GLI2: variants seen among roughly 807,000 people sequenced by gnomAD.
GLI2 encodes transcription activator GLI2.
In GLI2, 22 loss-of-function variants were observed where a neutral mutation model predicts 78.9. The ratio of observed to expected loss-of-function variants is 0.28; its 90% CI spans 0.20 to 0.40. The LOEUF is 0.40. Among genes scored for constraint, GLI2 ranks in the 10% least tolerant of loss-of-function variants. GLI2 has a pLI of 1.00. For missense variants in GLI2, 2,097 were observed against 2,213.2 expected (o/e 0.95, Z 1.05); for synonymous variants, 974 against 963.7 (o/e 1.01, Z -0.20).
At chr2:120,950,650 T>C (rs1680935101) in intron 3 of GLI2, among the ~76,000 whole-genome samples, 1 of 152,150 alleles carries the variant, frequency 6.6e-6, no homozygotes. Context: ...TATTCCAAGA[T>C]TTTAGTTAGG....
chr2:120,736,253 C>T lies in GLI2; in HGVS notation c.-63C>T, dbSNP rs1274932190. On this transcript the variant is annotated 5_prime_UTR_variant, in exon 1 of 14. Coordinates refer to ENST00000361492, the MANE Select transcript of GLI2 (RefSeq NM_001374353.1). Reference sequence around the variant, plus strand: ...CACCGCCCGGCGCCCGAGAGGCCACCTGCGTGCTAGAGGCAAACTTTTGTC... The same window carrying T: ...CACCGCCCGGCGCCCGAGAGGCCACTTGCGTGCTAGAGGCAAACTTTTGTC... 2.0e-5 allele frequency: 3 copies of T among 152,082 alleles called. No individual in the cohort carries two copies. The highest frequency in any genetic ancestry group is 4.4e-5 in the Non-Finnish European group (3 of 68,008). 9.4% of individuals were successfully genotyped at this position (152,082 alleles called of 1,614,324 possible). A position where few individuals can be genotyped will look rare whatever the true frequency, so the allele number is the denominator to read the frequency against.
At chr2:120,853,607 A>G (rs902650540) in intron 2 of GLI2, among the ~76,000 whole-genome samples, 4 of 152,208 alleles carry the variant, frequency 2.6e-5, no homozygotes, top group African/African-American at 9.7e-5. Context: ...GAAAGAAGAG[A>G]GTGAAACCCA....
At chr2:120,907,895 G>A (rs1461364626) in intron 2 of GLI2, among the ~76,000 whole-genome samples, 5 of 152,226 alleles carry the variant, frequency 3.3e-5, no homozygotes, top group Non-Finnish European at 7.3e-5. Flanking sequence ...CTTCCCACCG[G>A]ACTGCTGGGC....
At chr2:120,944,101 G>T (rs1002824826) in intron 3 of GLI2, among the ~76,000 whole-genome samples, 1 of 152,184 alleles carries the variant, frequency 6.6e-6, no homozygotes, top group Non-Finnish European at 1.5e-5. Flanking sequence ...CGAGGGTCTG[G>T]CATGCTCGCT....
chr2:120,966,474 C>A (rs1047005299), intron 5 of GLI2, among the ~76,000 whole-genome samples: 7 of 152,198 alleles, frequency 4.6e-5, no homozygotes, highest in Non-Finnish European at 8.8e-5. Flanking sequence ...TGTCTACTCC[C>A]CTCTGTGGCC....
At chr2:120,988,058 GAGAA>G (rs1369851339) in intron 13 of GLI2, 146 bp from the exon 14 acceptor site, 6 of 664,372 alleles carry the variant, frequency 9.0e-6, no homozygotes, top group South Asian at 2.3e-5. Flanking sequence ...TCTCTAAAAA[GAGAA>G]AGAGAGAAAG....
intron 5 of GLI2, among the ~76,000 whole-genome samples, chr2:120,956,955 GCCT>G (rs1681297733): frequency 6.6e-6 from 1 of 152,136 alleles, no homozygotes; most frequent in Admixed American, 6.5e-5. Flanking sequence ...CTCTCTGGAA[GCCT>G]CCTCCTTCCC....
At chr2:120,906,047 G>T (rs1177033454) in intron 2 of GLI2, among the ~76,000 whole-genome samples, 1 of 152,234 alleles carries the variant, frequency 6.6e-6, no homozygotes, top group South Asian at 2.1e-4. Context: ...TGCCCTGCTC[G>T]CTGTGGGCAC....
At chr2:120,948,788 T>C (rs1680839115) in intron 3 of GLI2, among the ~76,000 whole-genome samples, 2 of 152,140 alleles carry the variant, frequency 1.3e-5, no homozygotes, top group South Asian at 2.1e-4. Flanking sequence ...TCCCGGGACC[T>C]GAACAAGCCA....
chr2:120,844,921 GTTC>G lies in GLI2; in HGVS notation c.148+47455_148+47457del, dbSNP rs367730252. ...TGAACGTTAACCTCTCTAGCCTCCT[GTTC>G]TCCACCTGGAATTGCCCCCTGTGTA... is the stretch of plus-strand genomic sequence containing the variant. On this transcript the variant is annotated intron_variant, in intron 2 of 13. Coordinates refer to ENST00000361492, the MANE Select transcript of GLI2 (RefSeq NM_001374353.1). Among the ~76,000 whole-genome samples, 40 of 152,090 alleles carry G rather than the reference GTTC, an allele frequency of 2.6e-4. No individual in the cohort carries two copies. In the East Asian group the frequency reaches 6.8e-3, roughly 26 times the overall value.
intron 1 of GLI2, among the ~76,000 whole-genome samples, chr2:120,767,946 G>T (rs982955578): frequency 2.6e-5 from 4 of 152,146 alleles, no homozygotes; most frequent in African/African-American, 2.4e-5. Context: ...CCTGGTGGCT[G>T]CCACCACTGC....
chr2:120,918,221 G>C (rs987187752), intron 2 of GLI2, among the ~76,000 whole-genome samples: 8 of 152,166 alleles, frequency 5.3e-5, no homozygotes, highest in African/African-American at 1.2e-4. Flanking sequence ...GAACTACATC[G>C]TATCCCTAGA....
At chr2:120,867,456 C>T (rs1028100644) in intron 2 of GLI2, 3 of 152,328 alleles carry the variant, frequency 2.0e-5, no homozygotes, top group South Asian at 2.1e-4. Flanking sequence ...CCGCCTCCCT[C>T]GGCGGCCACT....
At chr2:120,763,729 C>T (rs774702594) in intron 1 of GLI2, among the ~76,000 whole-genome samples, 16 of 152,238 alleles carry the variant, frequency 1.1e-4, no homozygotes, top group Non-Finnish European at 1.6e-4. Flanking sequence ...TCTTGCCCCA[C>T]GCCCGGAAGC....
intron 1 of GLI2, among the ~76,000 whole-genome samples, chr2:120,787,358 T>C (rs569872463): frequency 1.6e-4 from 25 of 152,294 alleles, no homozygotes; most frequent in African/African-American, 5.5e-4. Flanking sequence ...CTTCGTCCCC[T>C]CTCAGAGTCT....
chr2:120,984,266 C>A (rs917380106), intron 11 of GLI2, among the ~76,000 whole-genome samples: 1 of 152,180 alleles, frequency 6.6e-6, no homozygotes, highest in Non-Finnish European at 1.5e-5. Context: ...ACTGCATGAA[C>A]AGGTGCAGAC....
At chr2:120,864,933 C>T (rs927103262) in intron 2 of GLI2, among the ~76,000 whole-genome samples, 4 of 152,132 alleles carry the variant, frequency 2.6e-5, no homozygotes, top group South Asian at 2.1e-4. Context: ...TGGAGATGGC[C>T]GTGGGGTCCA....
intron 2 of GLI2, among the ~76,000 whole-genome samples, chr2:120,900,567 C>G (rs1223491738): frequency 6.6e-6 from 1 of 152,246 alleles, no homozygotes; most frequent in Non-Finnish European, 1.5e-5. Context: ...CTTCTGCACC[C>G]TAGCGATGTT....
intron 3 of GLI2, among the ~76,000 whole-genome samples, chr2:120,946,295 A>G (rs1335533609): frequency 1.3e-5 from 2 of 152,166 alleles, no homozygotes; most frequent in Non-Finnish European, 2.9e-5. Context: ...TGGTCAGATC[A>G]GGCTCAGACG....
Sources: allele counts gnomAD v4.1 joint callset (sites outside exome capture counted in the v4.1 genomes callset), GRCh38; gene constraint gnomAD v4.1.1; transcripts MANE v1.5; gene names NCBI Gene and HGNC (gene_info 2026-07-23, HGNC 2026-07-21).